The following FBXO16 variants were observed in gnomAD, a reference collection of about 807,000 sequenced individuals.
The protein encoded by FBXO16 is F-box only protein 16.
A neutral mutation model predicts 41.0 loss-of-function variants in FBXO16; 31 were observed. The observed-to-expected ratio is 0.76, with a 90% confidence interval of 0.57 to 1.02. FBXO16 has a LOEUF of 1.02. Ranked by LOEUF, FBXO16 falls within the 50% of genes least tolerant of loss-of-function variation. The probability of loss-of-function intolerance (pLI) is 0.00; values close to 1 mark genes in which losing one functional copy is unlikely to be tolerated. For missense variants in FBXO16, 361 were observed against 346.2 expected, an observed-to-expected ratio of 1.04 and a Z score of -0.34; for synonymous variants, 133 against 117.8, an observed-to-expected ratio of 1.13 and a Z score of -0.84.
At chr8:28,452,219 T>C in intron 6 of FBXO16, 25 bp downstream of exon 6, 2 of 1,589,000 alleles carry the variant, frequency 1.3e-6, no homozygotes, top group Non-Finnish European at 1.7e-6. Flanking sequence ...AACGAAGAAG[T>C]TGAGAAGAGC....
At chr8:28,431,263 T>C (rs1014375641) in intron 7 of FBXO16, among the ~76,000 whole-genome samples, 2 of 152,158 alleles carry the variant, frequency 1.3e-5, no homozygotes, top group Non-Finnish European at 2.9e-5. Context: ...CCATCCAGAC[T>C]ATGGCATTTC....
intron 7 of FBXO16, among the ~76,000 whole-genome samples, chr8:28,441,848 T>TAA (rs1245571244): frequency 2.0e-5 from 3 of 149,088 alleles, no homozygotes; most frequent in Admixed American, 1.3e-4. Flanking sequence ...TATATATATA[T>TAA]AATGTGTGTA....
intron 7 of FBXO16, among the ~76,000 whole-genome samples, chr8:28,443,009 G>T (rs1040852680): frequency 6.7e-6 from 1 of 149,902 alleles, no homozygotes; most frequent in African/African-American, 2.5e-5. Flanking sequence ...ATGGACTAAG[G>T]AATATTACTT....
intron 2 of FBXO16, among the ~76,000 whole-genome samples, chr8:28,478,570 A>G (rs1803458543): frequency 2.0e-5 from 3 of 152,104 alleles, no homozygotes; most frequent in Admixed American, 6.5e-5. Context: ...CATGCCTATA[A>G]TCCAGCACTT....
intron 4 of FBXO16, among the ~76,000 whole-genome samples, chr8:28,458,264 C>T (rs1395605776): frequency 3.9e-5 from 6 of 152,078 alleles, no homozygotes; most frequent in Non-Finnish European, 7.3e-5. Flanking sequence ...GTTTTATGTG[C>T]AGAAGATGAG....
chr8:28,442,299 T>C (rs1416958026), intron 7 of FBXO16, among the ~76,000 whole-genome samples: 2 of 152,166 alleles, frequency 1.3e-5, no homozygotes, highest in African/African-American at 2.4e-5. Flanking sequence ...CTAATTGTAA[T>C]GGGAGTGTCT....
chr8:28,468,886 T>A (rs1311287138), intron 3 of FBXO16, among the ~76,000 whole-genome samples: 2 of 151,226 alleles, frequency 1.3e-5, no homozygotes, highest in African/African-American at 4.9e-5. Context: ...ACACATAGAA[T>A]CAATAGAATA....
At chr8:28,480,365 T>C (rs1803491573) in intron 2 of FBXO16, among the ~76,000 whole-genome samples, 1 of 152,178 alleles carries the variant, frequency 6.6e-6, no homozygotes, top group Non-Finnish European at 1.5e-5. Flanking sequence ...GCCCATCTAT[T>C]GAGTTTAGAG....
rs34617439 is a variant in FBXO16, at chr8:28,458,544, CTTTTTTTTTTTT to C, written c.343-1626_343-1615del. Among the ~76,000 whole-genome samples the C allele has an allele frequency of 5.6e-4, 49 of 87,610 alleles. 1 individual carries two copies. Among genetic ancestry groups the C allele is most frequent in the Middle Eastern group, 0.016 (2 of 128 alleles). 57.5% of individuals were successfully genotyped at this position (87,610 alleles called of 152,430 possible). On this transcript the variant is annotated intron_variant, in intron 4 of 8. Coordinates refer to ENST00000380254, the MANE Select transcript of FBXO16 (RefSeq NM_172366.4). The stretch of plus-strand genomic sequence containing the variant: ...TTCCTTTTCTCCTCTTCTTCTTCTT[CTTTTTTTTTTTT>C]TTTTTTTTTTTTTGAGACAGAGTTT...
intron 7 of FBXO16, among the ~76,000 whole-genome samples, chr8:28,442,594 G>A (rs1237528861): frequency 6.6e-6 from 1 of 152,050 alleles, no homozygotes; most frequent in Non-Finnish European, 1.5e-5. Flanking sequence ...ATGTTGGCCA[G>A]GCTAGTCTCA....
chr8:28,485,947 A>G (rs918302994), intron 1 of FBXO16, among the ~76,000 whole-genome samples: 1 of 151,900 alleles, frequency 6.6e-6, no homozygotes, highest in African/African-American at 2.4e-5. Flanking sequence ...ATCTCTACTA[A>G]AAATACAAAA....
chr8:28,445,638 G>A (rs369674488), intron 7 of FBXO16, among the ~76,000 whole-genome samples: 10 of 150,748 alleles, frequency 6.6e-5, no homozygotes, highest in Admixed American at 2.6e-4. Context: ...AAGCTCCCCC[G>A]TTCCCTTGGG....
chr8:28,487,490 T>C (rs761704110), intron 1 of FBXO16, among the ~76,000 whole-genome samples: 18 of 146,948 alleles, frequency 1.2e-4, no homozygotes, highest in Non-Finnish European at 2.0e-4. Flanking sequence ...GCTTCCCAGG[T>C]TCAAGAGATT....
chr8:28,463,385 TGTTTG>T (rs1216235884), intron 4 of FBXO16, among the ~76,000 whole-genome samples: 1 of 139,828 alleles, frequency 7.2e-6, no homozygotes, highest in Non-Finnish European at 1.6e-5. Flanking sequence ...TGTGTTTGTG[TGTTTG>T]TGTTTGTATG....
At chr8:28,483,075 G>GA (rs770315141) in intron 2 of FBXO16, among the ~76,000 whole-genome samples, 14 of 152,132 alleles carry the variant, frequency 9.2e-5, no homozygotes, top group Non-Finnish European at 1.9e-4. Flanking sequence ...AGTGATGGAA[G>GA]AAAAATGGCG....
At chr8:28,428,766 A>G in intron 8 of FBXO16, 30 bp from the exon 9 acceptor site, 1 of 1,485,772 alleles carries the variant, frequency 6.7e-7, no homozygotes. Flanking sequence ...CATGAAAGCG[A>G]GGGTTATTGA....
chr8:28,478,209 C>T (rs147768748), intron 2 of FBXO16, among the ~76,000 whole-genome samples: 1 of 152,174 alleles, frequency 6.6e-6, no homozygotes, highest in East Asian at 1.9e-4. Context: ...CAATAAAATA[C>T]ATATTATCTT....
chr8:28,472,893 G>A (rs1265869280), intron 3 of FBXO16, among the ~76,000 whole-genome samples: 1 of 152,190 alleles, frequency 6.6e-6, no homozygotes, highest in Non-Finnish European at 1.5e-5. Flanking sequence ...TTCCTATCAG[G>A]ATCACTTAAC....
chr8:28,483,810 A>G (rs1803555908), intron 1 of FBXO16, among the ~76,000 whole-genome samples: 1 of 152,204 alleles, frequency 6.6e-6, no homozygotes, highest in African/African-American at 2.4e-5. Flanking sequence ...ACTGTACTCC[A>G]GCCTGGGCAG....
Sources: allele counts gnomAD v4.1 joint callset (sites outside exome capture counted in the v4.1 genomes callset), GRCh38; gene constraint gnomAD v4.1.1; transcripts MANE v1.5; gene names NCBI Gene and HGNC (gene_info 2026-07-23, HGNC 2026-07-21).